The following AGBL4 variants were observed in gnomAD, a reference collection of about 807,000 sequenced individuals.
The protein encoded by AGBL4 is AGBL carboxypeptidase 4, also known as cytosolic carboxypeptidase 6.
A neutral mutation model predicts 66.4 loss-of-function variants in AGBL4; 58 were observed. That is an observed-to-expected ratio of 0.87 (90% CI 0.71 to 1.09). The LOEUF is 1.09. Ranked by LOEUF, AGBL4 falls within the 50% of genes least tolerant of loss-of-function variation. AGBL4 has a pLI of 0.00. For missense variants in AGBL4, 579 were observed against 631.0 expected, an observed-to-expected ratio of 0.92 and a Z score of 0.88; for synonymous variants, 234 against 222.9, an observed-to-expected ratio of 1.05 and a Z score of -0.44.
intron 5 of AGBL4, among the ~76,000 whole-genome samples, chr1:48,997,230 T>C (rs1365290632): frequency 6.6e-6 from 1 of 151,990 alleles, no homozygotes; most frequent in Non-Finnish European, 1.5e-5. Context: ...GCCCAGAAAG[T>C]GATAAATTTA....
intron 3 of AGBL4, among the ~76,000 whole-genome samples, chr1:49,529,805 T>C (rs1443850152): frequency 6.6e-6 from 1 of 152,092 alleles, no homozygotes; most frequent in Non-Finnish European, 1.5e-5. Flanking sequence ...GTATGGCTTC[T>C]AGCAGACAGT....
chr1:49,331,410 G>A (rs1303059068), intron 3 of AGBL4, among the ~76,000 whole-genome samples: 3 of 152,182 alleles, frequency 2.0e-5, no homozygotes, highest in Non-Finnish European at 4.4e-5. Context: ...TTCAGGAGGA[G>A]GGACAAGCCG....
At position 49,778,574 on chromosome 1, in the gene AGBL4, G is replaced by T. The variant is rs79898792; in HGVS notation, c.157+72822C>A. On this transcript the variant is annotated intron_variant, in intron 2 of 13. Transcript: ENST00000371839. The stretch of plus-strand genomic sequence containing the variant: ...GGGTACTAGAAGAAATACGTGGAAT[G>T]CAAGACCAGGAAGTGTTTTATAAGA... Among the ~76,000 whole-genome samples, 21 of 152,328 alleles carry T rather than the reference G, an allele frequency of 1.4e-4. No homozygotes were observed. The East Asian group carries it at 4.0e-3, about 29-fold the overall frequency.
intron 8 of AGBL4, among the ~76,000 whole-genome samples, chr1:48,644,365 G>A (rs1216571110): frequency 6.6e-6 from 1 of 152,100 alleles, no homozygotes; most frequent in Admixed American, 6.5e-5. Context: ...GGGTTAAGAG[G>A]TGCCTCCTCA....
intron 3 of AGBL4, among the ~76,000 whole-genome samples, chr1:49,478,340 A>G (rs1646886642): frequency 6.6e-6 from 1 of 151,982 alleles, no homozygotes; most frequent in Non-Finnish European, 1.5e-5. Context: ...AGGAGAAGAA[A>G]GAAGAAGTAA....
chr1:48,780,574 A>G (rs1019194053), intron 6 of AGBL4, among the ~76,000 whole-genome samples: 4 of 152,172 alleles, frequency 2.6e-5, no homozygotes, highest in Admixed American at 2.6e-4. Flanking sequence ...TGGTACCAAA[A>G]CAGGTATATA....
intron 6 of AGBL4, among the ~76,000 whole-genome samples, chr1:48,743,346 C>A (rs764423835): frequency 6.6e-6 from 1 of 152,162 alleles, no homozygotes; most frequent in Admixed American, 6.5e-5. Context: ...TATTTTAATG[C>A]AATCAACACA....
intron 4 of AGBL4, among the ~76,000 whole-genome samples, chr1:49,200,049 GT>G (rs1360989523): frequency 6.6e-6 from 1 of 152,090 alleles, no homozygotes; most frequent in Non-Finnish European, 1.5e-5. Flanking sequence ...GGGAGACATG[GT>G]CATTTCTGCA....
chr1:48,737,052 G>C (rs1649174962), intron 6 of AGBL4, among the ~76,000 whole-genome samples: 1 of 152,196 alleles, frequency 6.6e-6, no homozygotes, highest in Admixed American at 6.5e-5. Flanking sequence ...GGGAGGCAGA[G>C]GTGGGCGGAT....
At chr1:49,619,484 G>A (rs1466141204) in intron 3 of AGBL4, among the ~76,000 whole-genome samples, 1 of 152,058 alleles carries the variant, frequency 6.6e-6, no homozygotes, top group African/African-American at 2.4e-5. Context: ...ACAATCAAAT[G>A]GAAAAACATT....
chr1:48,852,066 G>A (rs1285449295), intron 6 of AGBL4, among the ~76,000 whole-genome samples: 2 of 111,606 alleles, frequency 1.8e-5, no homozygotes, highest in African/African-American at 7.3e-5. Context: ...CTTATCTAAT[G>A]CTCATGACAG....
chr1:48,897,081 G>C (rs1570948237), intron 5 of AGBL4, among the ~76,000 whole-genome samples: 1 of 152,082 alleles, frequency 6.6e-6, no homozygotes, highest in Admixed American at 6.5e-5. Context: ...ACCATTTTAA[G>C]TGTTCAGTTC....
chr1:49,244,511 C>A (rs923593557), intron 4 of AGBL4, among the ~76,000 whole-genome samples: 1 of 151,744 alleles, frequency 6.6e-6, no homozygotes, highest in African/African-American at 2.4e-5. Flanking sequence ...CTTTTATAAA[C>A]CTGAGCTTCT....
intron 4 of AGBL4, among the ~76,000 whole-genome samples, chr1:49,061,023 T>G (rs964763717): frequency 3.3e-5 from 5 of 152,048 alleles, no homozygotes; most frequent in Non-Finnish European, 4.4e-5. Context: ...GGATGAGAGA[T>G]AATGAGGTTG....
chr1:48,833,595 G>C (rs973818856), intron 6 of AGBL4, among the ~76,000 whole-genome samples: 1 of 152,162 alleles, frequency 6.6e-6, no homozygotes, highest in African/African-American at 2.4e-5. Context: ...AGAACACCAA[G>C]GAGGTGGCCA....
intron 2 of AGBL4, among the ~76,000 whole-genome samples, chr1:49,784,998 C>G (rs1644418551): frequency 6.6e-6 from 1 of 151,928 alleles, no homozygotes; most frequent in South Asian, 2.1e-4. Flanking sequence ...ATAATTAAAC[C>G]TAACATGCAG....
chr1:48,682,883 C>T (rs1377358096), intron 6 of AGBL4, among the ~76,000 whole-genome samples: 1 of 152,120 alleles, frequency 6.6e-6, no homozygotes, highest in East Asian at 1.9e-4. Flanking sequence ...TTTAATGGAG[C>T]TGGTGGGAAA....
chr1:48,687,971 C>T (rs1646561974), intron 6 of AGBL4, among the ~76,000 whole-genome samples: 1 of 152,330 alleles, frequency 6.6e-6, no homozygotes, highest in South Asian at 2.1e-4. Context: ...GCACTCATTA[C>T]CCCCTGATGT....
chr1:49,015,195 G>C (rs1478083106), intron 5 of AGBL4, among the ~76,000 whole-genome samples: 1 of 151,986 alleles, frequency 6.6e-6, no homozygotes, highest in Non-Finnish European at 1.5e-5. Context: ...GGTTTTTTTG[G>C]GGGGAGTTGA....
Sources: gnomAD v4.1 joint callset for allele counts (sites outside exome capture counted in the v4.1 genomes callset) on GRCh38, gnomAD v4.1.1 for gene constraint, MANE v1.5 for transcripts, NCBI Gene and HGNC (gene_info 2026-07-23, HGNC 2026-07-21) for gene names.